The following TMED5 variants were observed in gnomAD, a reference collection of about 807,000 sequenced individuals.
TMED5 encodes the protein transmembrane p24 trafficking protein 5.
TMED5 carries 27 observed loss-of-function variants against 23.0 expected under a neutral mutation model. The observed-to-expected ratio is 1.17, with a 90% CI of 0.86 to 1.62. TMED5 has a LOEUF of 1.62. Among genes scored for constraint, TMED5 ranks in the 40% most tolerant of loss-of-function variants. TMED5 has a pLI of 0.00. For synonymous variants in TMED5, 97 were observed against 100.8 expected, an observed-to-expected ratio of 0.96 and a Z score of 0.23; for missense variants, 248 against 273.7, an observed-to-expected ratio of 0.91 and a Z score of 0.66.
chr1:93,157,985 G>A (rs1026073589), intron 2 of TMED5, among the ~76,000 whole-genome samples: 2 of 152,024 alleles, frequency 1.3e-5, no homozygotes, highest in Admixed American at 6.5e-5. Flanking sequence ...TTAGCCGGGC[G>A]TGGTGGCGGG....
At chr1:93,156,197 T>G in intron 3 of TMED5, 103 bp downstream of exon 3, 5 of 1,217,636 alleles carry the variant, frequency 4.1e-6, no homozygotes, top group East Asian at 2.5e-5. Context: ...TAGAAACAGA[T>G]TTTCCTGGAT....
At chr1:93,167,010 T>C (rs1010342337) in intron 1 of TMED5, among the ~76,000 whole-genome samples, 12 of 152,234 alleles carry the variant, frequency 7.9e-5, no homozygotes, top group African/African-American at 2.7e-4. Context: ...GACCATTTAT[T>C]GAAGAGACTC....
chr1:93,179,042 C>G (rs143455942), intron 1 of TMED5, among the ~76,000 whole-genome samples: 7 of 152,216 alleles, frequency 4.6e-5, no homozygotes, highest in African/African-American at 1.7e-4. Context: ...TAAGGTAATT[C>G]CCAGCAAGAA....
chr1:93,156,872 T>C (rs1002318214), intron 2 of TMED5, among the ~76,000 whole-genome samples: 1 of 151,542 alleles, frequency 6.6e-6, no homozygotes, highest in Non-Finnish European at 1.5e-5. Context: ...TTATAGTAAT[T>C]GGACAGCTTA....
chr1:93,169,591 G>C (rs2815407), intron 1 of TMED5, among the ~76,000 whole-genome samples: 122,503 of 143,472 alleles, frequency 0.85, 50,977 homozygotes, highest in East Asian at 1. Flanking sequence ...AGAAATCAAC[G>C]CAGAAAAAAA....
chr1:93,179,333 A>T (rs577431380), intron 1 of TMED5, among the ~76,000 whole-genome samples: 12 of 146,300 alleles, frequency 8.2e-5, no homozygotes, highest in Non-Finnish European at 1.7e-4. Context: ...CTGCACTCCA[A>T]CTCTAGCTTG....
chr1:93,179,095 C>T (rs1207074181), intron 1 of TMED5, among the ~76,000 whole-genome samples: 1 of 152,244 alleles, frequency 6.6e-6, no homozygotes, highest in Non-Finnish European at 1.5e-5. Context: ...GGCATGGTGG[C>T]TCACGCCTGT....
intron 1 of TMED5, among the ~76,000 whole-genome samples, chr1:93,170,969 G>T (rs1001359394): frequency 6.6e-6 from 1 of 152,176 alleles, no homozygotes; most frequent in African/African-American, 2.4e-5. Flanking sequence ...CCAGATAAGA[G>T]AATTAAAGCA....
At chr1:93,168,821 C>T (rs1234228321) in intron 1 of TMED5, among the ~76,000 whole-genome samples, 2 of 152,162 alleles carry the variant, frequency 1.3e-5, no homozygotes, top group Admixed American at 1.3e-4. Flanking sequence ...GGCGACAGAG[C>T]GAGCAAGACT....
At position 93,154,589 on chromosome 1, in the gene TMED5, G is replaced by C; in HGVS notation, c.*81C>G. On this transcript the variant is annotated 3_prime_UTR_variant, in exon 4 of 4. Transcript: ENST00000370282. ...TTATATCTCAAAATATTTTGGAGAA[G>C]ACCATTAATGGTCTTGACTGTAACA... is the stretch of plus-strand genomic sequence containing the variant. The C allele has an allele frequency of 1.1e-6, 1 of 894,890 alleles. No individual in the cohort carries two copies. Among genetic ancestry groups the C allele is most frequent in the Non-Finnish European group, 1.7e-6 (1 of 586,850 alleles). 55.4% of individuals were successfully genotyped at this position (894,890 alleles called of 1,614,324 possible).
intron 1 of TMED5, among the ~76,000 whole-genome samples, chr1:93,173,406 G>A (rs1648795989): frequency 6.6e-6 from 1 of 152,138 alleles, no homozygotes; most frequent in Non-Finnish European, 1.5e-5. Flanking sequence ...CCATAAAATA[G>A]GAGAGTGAGA....
intron 1 of TMED5, among the ~76,000 whole-genome samples, chr1:93,165,356 TAATA>T (rs1321209561): frequency 2.0e-5 from 3 of 152,210 alleles, no homozygotes; most frequent in Non-Finnish European, 4.4e-5. Context: ...TTTTTTAATC[TAATA>T]AATAGATCAT....
At position 93,154,673 on chromosome 1, in the gene TMED5, A is replaced by G. The variant is rs1413612956; in HGVS notation, c.687T>C (p.Thr229=). Residue 229 remains threonine (T), a synonymous_variant, in exon 4 of 4, where the codon ACT becomes ACC. Transcript: ENST00000370282. ...SLFEDKRKSR[T] ...TTACGTACTCTAGTTTGGAGTTTTA[A>G]GTTCTACTTTTCCTCTTATCTTCAA... 2 of 1,611,380 alleles carry G rather than the reference A, an allele frequency of 1.2e-6. No homozygotes were observed. The highest frequency in any genetic ancestry group is 1.7e-5 in the Admixed American group (1 of 59,980).
At chr1:93,165,215 T>G (rs949734416) in intron 1 of TMED5, among the ~76,000 whole-genome samples, 5 of 152,210 alleles carry the variant, frequency 3.3e-5, no homozygotes, top group Non-Finnish European at 1.5e-5. Flanking sequence ...TGGCAGAAAC[T>G]AAAGCTAGTA....
rs1647950257 is a variant in TMED5, at chr1:93,153,498, A to G, written c.*1172T>C. The stretch of plus-strand genomic sequence containing the variant: ...AACCAGAATTCTTGTAGAAAATAAA[A>G]ACCTACAGCCAAAGTTTCTTCCAGC... On this transcript the variant is annotated 3_prime_UTR_variant, in exon 4 of 4. Coordinates refer to ENST00000370282, the MANE Select transcript of TMED5 (RefSeq NM_016040.5). 1 of 152,258 alleles carries G rather than the reference A, an allele frequency of 6.6e-6. No homozygotes were observed. Among genetic ancestry groups the G allele is most frequent in the Non-Finnish European group, 1.5e-5 (1 of 67,982 alleles). 9.4% of individuals were successfully genotyped at this position (152,258 alleles called of 1,614,324 possible).
At chr1:93,167,830 C>G (rs1478680178) in intron 1 of TMED5, among the ~76,000 whole-genome samples, 1 of 152,136 alleles carries the variant, frequency 6.6e-6, no homozygotes, top group Non-Finnish European at 1.5e-5. Flanking sequence ...TTGTTGTGTT[C>G]CAGATCTCAG....
intron 2 of TMED5, chr1:93,159,018 A>C (rs1416088532): frequency 5.1e-6 from 1 of 196,528 alleles, no homozygotes; most frequent in Non-Finnish European, 9.2e-6. Context: ...TGCCATTTAA[A>C]ATGCATTTTA....
chr1:93,158,932 A>G, intron 2 of TMED5: 1 of 760,218 alleles, frequency 1.3e-6, no homozygotes, highest in African/African-American at 1.9e-5. Context: ...ATATAAACTG[A>G]CTTTTAAAAT....
intron 1 of TMED5, among the ~76,000 whole-genome samples, chr1:93,165,522 G>T (rs1648470902): frequency 6.6e-6 from 1 of 152,164 alleles, no homozygotes; most frequent in Non-Finnish European, 1.5e-5. Flanking sequence ...TGGATTAGTT[G>T]TAAGTGTATA....
Sources: gnomAD v4.1 joint callset for allele counts (sites outside exome capture counted in the v4.1 genomes callset) on GRCh38, gnomAD v4.1.1 for gene constraint, MANE v1.5 for transcripts, NCBI Gene and HGNC (gene_info 2026-07-23, HGNC 2026-07-21) for gene names.